The following UMAD1 variants were observed in gnomAD, a reference collection of about 807,000 sequenced individuals.
UMAD1 encodes UBAP1-MVB12-associated (UMA) domain containing 1, also known as UBAP1-MVB12-associated (UMA)-domain containing protein 1.
Under a neutral mutation model 6.1 loss-of-function variants are expected in UMAD1, and 8 were observed. The ratio of observed to expected loss-of-function variants is 1.30; its 90% confidence interval spans 0.76 to 2.35. The LOEUF (loss-of-function observed/expected upper bound fraction) is 2.35, where lower values mean the gene tolerates loss of function less well. Among genes scored for constraint, UMAD1 ranks in the 30% most tolerant of loss-of-function variants. The probability of loss-of-function intolerance (pLI) is 0.00; values close to 1 mark genes in which losing one functional copy is unlikely to be tolerated. For synonymous variants in UMAD1, 56 were observed against 31.4 expected, an observed-to-expected ratio of 1.78 and a Z score of -2.61; for missense variants, 130 against 78.4, an observed-to-expected ratio of 1.66 and a Z score of -2.49.
At chr7:7,799,579 G>C (rs62434089) in intron 2 of UMAD1, among the ~76,000 whole-genome samples, 1 of 152,156 alleles carries the variant, frequency 6.6e-6, no homozygotes, top group Non-Finnish European at 1.5e-5. Flanking sequence ...ATATTTCTTC[G>C]AGTAAAGGAC....
intron 2 of UMAD1, among the ~76,000 whole-genome samples, chr7:7,683,136 C>T (rs1205194640): frequency 6.6e-6 from 1 of 152,158 alleles, no homozygotes; most frequent in African/African-American, 2.4e-5. Context: ...TTCTGTTTGG[C>T]ACAGTTAATT....
At chr7:7,853,245 A>T (rs1221751178) in intron 3 of UMAD1, among the ~76,000 whole-genome samples, 1 of 152,150 alleles carries the variant, frequency 6.6e-6, no homozygotes, top group Admixed American at 6.5e-5. Flanking sequence ...AAAATTTTGA[A>T]ATCAGAGAGT....
intron 3 of UMAD1, among the ~76,000 whole-genome samples, chr7:7,814,808 A>C (rs1286340573): frequency 6.6e-6 from 1 of 152,100 alleles, no homozygotes; most frequent in Non-Finnish European, 1.5e-5. Flanking sequence ...CCCATGCCTC[A>C]GGTGGAGTAT....
intron 2 of UMAD1, among the ~76,000 whole-genome samples, chr7:7,747,786 T>A (rs1781600183): frequency 6.6e-6 from 1 of 152,154 alleles, no homozygotes; most frequent in Non-Finnish European, 1.5e-5. Flanking sequence ...TAGTCTTCAT[T>A]ATTTTCAGTT....
At chr7:7,650,780 C>G (rs992541996) in intron 1 of UMAD1, among the ~76,000 whole-genome samples, 2 of 152,198 alleles carry the variant, frequency 1.3e-5, no homozygotes, top group African/African-American at 2.4e-5. Context: ...ACTCTCCATC[C>G]AGTGATTTCC....
At chr7:7,698,778 A>C (rs1780378074) in intron 2 of UMAD1, among the ~76,000 whole-genome samples, 1 of 152,078 alleles carries the variant, frequency 6.6e-6, no homozygotes. Context: ...ATCTTGTCTT[A>C]AGATGAATTC....
intron 1 of UMAD1, among the ~76,000 whole-genome samples, chr7:7,672,562 A>G (rs1179774710): frequency 3.3e-5 from 5 of 152,026 alleles, no homozygotes; most frequent in Non-Finnish European, 7.4e-5. Flanking sequence ...AGGTGTAGAT[A>G]ATTAAATCAT....
chr7:7,685,412 C>T (rs1291631649), intron 2 of UMAD1, among the ~76,000 whole-genome samples: 6 of 151,226 alleles, frequency 4.0e-5, no homozygotes, highest in Non-Finnish European at 2.9e-5. Flanking sequence ...TGGGTTCAAG[C>T]GATTCTCCTG....
At chr7:7,776,968 A>C (rs375359226) in intron 2 of UMAD1, among the ~76,000 whole-genome samples, 16 of 152,202 alleles carry the variant, frequency 1.1e-4, no homozygotes, top group African/African-American at 3.6e-4. Flanking sequence ...TGTCTACACG[A>C]GCAAATGCAG....
intron 3 of UMAD1, among the ~76,000 whole-genome samples, chr7:7,869,883 G>T (rs530923714): frequency 6.6e-6 from 1 of 152,078 alleles, no homozygotes; most frequent in Non-Finnish European, 1.5e-5. Context: ...CTGTTGCTCT[G>T]GGGAAGTGAC....
intron 3 of UMAD1, among the ~76,000 whole-genome samples, chr7:7,809,257 C>A (rs73356282): frequency 1.3e-5 from 2 of 151,828 alleles, no homozygotes; most frequent in Non-Finnish European, 3.0e-5. Context: ...TAGTACACAG[C>A]GGTCACTTTG....
intron 2 of UMAD1, among the ~76,000 whole-genome samples, chr7:7,758,422 T>A (rs975895551): frequency 1.3e-5 from 2 of 151,908 alleles, no homozygotes; most frequent in African/African-American, 4.8e-5. Context: ...TATCTTTAAA[T>A]TTTTTTATAT....
At chr7:7,813,407 T>C (rs1033667169) in intron 3 of UMAD1, among the ~76,000 whole-genome samples, 1 of 152,190 alleles carries the variant, frequency 6.6e-6, no homozygotes, top group South Asian at 2.1e-4. Flanking sequence ...GGTTTCACCG[T>C]ATCGGCCAGG....
At chr7:7,746,243 A>G (rs1205935504) in intron 2 of UMAD1, among the ~76,000 whole-genome samples, 1 of 152,178 alleles carries the variant, frequency 6.6e-6, no homozygotes, top group Non-Finnish European at 1.5e-5. Context: ...TACTGTTCTC[A>G]CTTTGCAACA....
intron 2 of UMAD1, among the ~76,000 whole-genome samples, chr7:7,772,894 C>T (rs1352897452): frequency 6.6e-6 from 1 of 151,752 alleles, no homozygotes; most frequent in Non-Finnish European, 1.5e-5. Flanking sequence ...ACACAAGAAG[C>T]CTTTTTTATT....
intron 3 of UMAD1, among the ~76,000 whole-genome samples, chr7:7,809,381 T>C (rs1782981575): frequency 6.6e-6 from 1 of 152,000 alleles, no homozygotes; most frequent in African/African-American, 2.4e-5. Context: ...AGGGAAAAGT[T>C]GATTCTTTTG....
intron 2 of UMAD1, among the ~76,000 whole-genome samples, chr7:7,720,434 T>C (rs893934427): frequency 1.3e-5 from 2 of 151,660 alleles, no homozygotes; most frequent in African/African-American, 4.9e-5. Flanking sequence ...TTTAATCATT[T>C]CCCCCCCTAA....
intron 2 of UMAD1, among the ~76,000 whole-genome samples, chr7:7,772,839 C>T (rs1664110227): frequency 6.6e-6 from 1 of 152,128 alleles, no homozygotes; most frequent in Non-Finnish European, 1.5e-5. Flanking sequence ...TACCAGACAG[C>T]TGTAGTGTAA....
At chr7:7,766,591 C>G (rs1247817575) in intron 2 of UMAD1, among the ~76,000 whole-genome samples, 1 of 152,222 alleles carries the variant, frequency 6.6e-6, no homozygotes, top group Non-Finnish European at 1.5e-5. Flanking sequence ...TTACAGCCCT[C>G]TTTAGGCAAT....
Sources: allele counts gnomAD v4.1 joint callset (sites outside exome capture counted in the v4.1 genomes callset), GRCh38; gene constraint gnomAD v4.1.1; transcripts MANE v1.5; gene names NCBI Gene and HGNC (gene_info 2026-07-23, HGNC 2026-07-21).